Variants in RPL22 observed in about 807,000 individuals in gnomAD.
The protein encoded by RPL22 is ribosomal protein L22.
In RPL22, 4 loss-of-function variants were observed where a neutral mutation model predicts 16.2. The ratio of observed to expected loss-of-function variants is 0.25; its 90% CI spans 0.12 to 0.57. The LOEUF (loss-of-function observed/expected upper bound fraction) is 0.57, where lower values mean the gene tolerates loss of function less well. RPL22 is among the 20% of genes least tolerant of loss of function. RPL22 has a pLI of 0.92. For synonymous variants in RPL22, 43 were observed against 54.8 expected (o/e 0.78, Z 0.95); for missense variants, 83 against 156.1 (o/e 0.53, Z 2.49).
Position 6,185,633 on chromosome 1 carries a change from A to G in RPL22, c.*1039T>C. On this transcript the variant is annotated 3_prime_UTR_variant, in exon 4 of 4. Coordinates refer to ENST00000234875, the MANE Select transcript of RPL22 (RefSeq NM_000983.4). ...AGACACCGTAAATTCTAATGCAGACACTTTTGCATTACTGTTTGAATTTCA... is the reference window on the plus strand; with the variant it reads ...AGACACCGTAAATTCTAATGCAGACGCTTTTGCATTACTGTTTGAATTTCA... The G allele has an allele frequency of 5.7e-6, 2 of 351,544 alleles. No homozygotes were observed. The highest frequency in any genetic ancestry group is 1.0e-5 in the Non-Finnish European group (2 of 196,818). The allele number at this position is 351,544 out of a possible 1,614,324, so 21.8% of individuals were successfully genotyped here.
intron 1 of RPL22, 153 bp downstream of exon 1, chr1:6,199,409 C>T (rs1667765694): frequency 7.2e-7 from 1 of 1,383,406 alleles, no homozygotes; most frequent in Non-Finnish European, 9.4e-7. Context: ...GTGCTGGGAT[C>T]GGCAGGGGCT....
intron 3 of RPL22, among the ~76,000 whole-genome samples, chr1:6,190,830 C>T (rs77523453): frequency 0.1 from 15,185 of 152,238 alleles, 1,040 homozygotes; most frequent in African/African-American, 0.18. Context: ...AAATGGGCCC[C>T]CAGGAATTAA....
At chr1:6,191,076 T>C (rs1413537192) in intron 3 of RPL22, among the ~76,000 whole-genome samples, 1 of 151,522 alleles carries the variant, frequency 6.6e-6, no homozygotes, top group Non-Finnish European at 1.5e-5. Context: ...ATACAATAAT[T>C]AGGCCGGGCG....
At chr1:6,186,844 C>T in intron 3 of RPL22, 28 bp from the exon 4 acceptor site, 1 of 1,610,082 alleles carries the variant, frequency 6.2e-7, no homozygotes, top group Non-Finnish European at 8.5e-7. Context: ...AAGAACTCCA[C>T]TAGACAGTTG....
intron 2 of RPL22, among the ~76,000 whole-genome samples, chr1:6,193,956 A>G (rs1372748837): frequency 1.3e-5 from 2 of 152,182 alleles, no homozygotes; most frequent in African/African-American, 4.8e-5. Context: ...CTGTAATCCC[A>G]GCACTTTGAG....
intron 2 of RPL22, among the ~76,000 whole-genome samples, chr1:6,195,492 G>A (rs979495720): frequency 2.7e-5 from 4 of 150,500 alleles, no homozygotes; most frequent in South Asian, 4.2e-4. Context: ...GTTCATGCTT[G>A]TAATCCCGAT....
intron 3 of RPL22, among the ~76,000 whole-genome samples, chr1:6,190,472 C>T (rs1166572420): frequency 6.6e-6 from 1 of 152,146 alleles, no homozygotes; most frequent in Middle Eastern, 3.2e-3. Flanking sequence ...CCTCCGCCTC[C>T]CTGGTTCAAG....
intron 2 of RPL22, among the ~76,000 whole-genome samples, chr1:6,196,677 T>C (rs1356373448): frequency 1.3e-5 from 2 of 151,838 alleles, no homozygotes; most frequent in Non-Finnish European, 2.9e-5. Flanking sequence ...TGAGTCAAAA[T>C]GTGGCGGAAG....
chr1:6,198,795 TA>T (rs1667754006), intron 1 of RPL22: 1 of 152,208 alleles, frequency 6.6e-6, no homozygotes, highest in Admixed American at 6.5e-5. Context: ...ACGGGCTTGA[TA>T]CTTCTCCATC....
chr1:6,191,136 G>A (rs1327391962), intron 3 of RPL22, among the ~76,000 whole-genome samples: 2 of 151,576 alleles, frequency 1.3e-5, no homozygotes, highest in Non-Finnish European at 2.9e-5. Context: ...AAAGTGGGTG[G>A]ATTACGAGGT....
intron 2 of RPL22, among the ~76,000 whole-genome samples, chr1:6,197,382 A>G (rs773808377): frequency 5.3e-5 from 8 of 152,156 alleles, no homozygotes; most frequent in Admixed American, 1.3e-4. Flanking sequence ...AAGGAGAAAA[A>G]CAAGATAGTC....
rs1215724382 is a variant in RPL22, at chr1:6,186,780, C to T, written c.279G>A (p.Lys93=). ...CGCGCAACCAGTCACGTAGATTATT[C>T]TTCTTCAAATATTTTTTGGTGAGAT... The part of the protein sequence containing the change: ...LKYLTKKYLK[K]NNLRDWLRVV... The change falls in exon 4 of 4, where the codon AAG becomes AAA. Residue 93 remains lysine, a synonymous_variant. Coordinates refer to ENST00000234875, the MANE Select transcript of RPL22 (RefSeq NM_000983.4). 20 of 1,612,964 alleles carry T rather than the reference C, an allele frequency of 1.2e-5. No individual in the cohort carries two copies. The highest frequency in any genetic ancestry group is 1.4e-5 in the Non-Finnish European group (16 of 1,179,632).
At chr1:6,191,442 C>A (rs1295113869) in intron 3 of RPL22, among the ~76,000 whole-genome samples, 2 of 134,688 alleles carry the variant, frequency 1.5e-5, no homozygotes, top group African/African-American at 2.9e-5. Context: ...CCGAGGCGGG[C>A]GGATCACGAG....
At chr1:6,198,940 T>C (rs1179590028) in intron 1 of RPL22, 3 of 152,130 alleles carry the variant, frequency 2.0e-5, no homozygotes. Flanking sequence ...AAAACAACTT[T>C]CTCAAATAAC....
chr1:6,197,508 G>C (rs767097882), intron 2 of RPL22, 144 bp downstream of exon 2: 53 of 617,576 alleles, frequency 8.6e-5, no homozygotes, highest in African/African-American at 2.8e-4. Flanking sequence ...CAAGTAATCT[G>C]CCCACATTCC....
Position 6,186,958 on chromosome 1 carries a change from A to C in RPL22, c.243-142T>G, listed in dbSNP as rs890584896. ...CCTCAAAAATGGCAAAGGTAAGGCA[A>C]ATACACCCAGCCAAGGCTCTGAGTT... On this transcript the variant is annotated intron_variant, in intron 3 of 3. Transcript: ENST00000234875. 9 of 1,182,776 alleles carry C rather than the reference A, an allele frequency of 7.6e-6. No homozygotes were observed. In the African/African-American group the frequency reaches 1.2e-4, roughly 16 times the overall value. The allele number at this position is 1,182,776 out of a possible 1,614,324, so 73.3% of individuals were successfully genotyped here.
At chr1:6,198,608 T>C (rs1382572205) in intron 1 of RPL22, 1 of 152,222 alleles carries the variant, frequency 6.6e-6, no homozygotes, top group Non-Finnish European at 1.5e-5. Flanking sequence ...TTACCTCCCT[T>C]CATGTTTAAA....
intron 3 of RPL22, 102 bp downstream of exon 3, chr1:6,192,828 G>A (rs527858160): frequency 4.9e-5 from 68 of 1,399,690 alleles, no homozygotes; most frequent in Non-Finnish European, 6.5e-5. Context: ...GAAATTAACA[G>A]ATGCAAACCA....
Position 6,186,869 on chromosome 1 carries a change from A to G in RPL22, c.243-53T>C, listed in dbSNP as rs114462621. ...CTAGACAGTTGGTGCTTGCATTCTAAAACATTTTAACATTTATAAAACCCA... is the reference window on the plus strand; with the variant it reads ...CTAGACAGTTGGTGCTTGCATTCTAGAACATTTTAACATTTATAAAACCCA... On this transcript the variant is annotated intron_variant, in intron 3 of 3. Coordinates refer to ENST00000234875, the MANE Select transcript of RPL22 (RefSeq NM_000983.4). The G allele has an allele frequency of 3.1e-6, 5 of 1,598,590 alleles. No individual in the cohort carries two copies. The African/African-American group carries it at 4.1e-5, about 13-fold the overall frequency.
Sources: allele counts gnomAD v4.1 joint callset (sites outside exome capture counted in the v4.1 genomes callset), GRCh38; gene constraint gnomAD v4.1.1; transcripts MANE v1.5; gene names NCBI Gene and HGNC (gene_info 2026-07-23, HGNC 2026-07-21).